ZNG1E: variants seen among roughly 807,000 people sequenced by gnomAD.
The protein encoded by ZNG1E is zinc-regulated GTPase metalloprotein activator 1E.
the ZNG1E span, chr9:65,691,063 T>G: frequency 3.1e-6 from 5 of 1,592,154 alleles, no homozygotes; most frequent in Non-Finnish European, 4.3e-6. Flanking sequence ...TCTTTCTTGT[T>G]TTTTTTTTGT....
the ZNG1E span, chr9:65,681,876 T>G: frequency 7.3e-7 from 1 of 1,363,882 alleles, no homozygotes; most frequent in African/African-American, 1.5e-5. Flanking sequence ...TTGGTCCTTT[T>G]ATTGAGTTTT....
At chr9:65,662,077 A>T in the ZNG1E span, among the ~76,000 whole-genome samples, 1 of 152,200 alleles carries the variant, frequency 6.6e-6, no homozygotes, top group Non-Finnish European at 1.5e-5. Flanking sequence ...CAAAGTTAAC[A>T]TTCTAGTAAA....
At chr9:65,684,562 A>ACACACG in the ZNG1E span, among the ~76,000 whole-genome samples, 1 of 142,220 alleles carries the variant, frequency 7.0e-6, no homozygotes, top group Admixed American at 7.1e-5. Context: ...ACACACACAC[A>ACACACG]CACACACATT....
the ZNG1E span, among the ~76,000 whole-genome samples, chr9:65,675,524 T>A: frequency 6.9e-6 from 1 of 145,362 alleles, no homozygotes. Context: ...GAATTAAAAC[T>A]TTTTTTTTTA....
the ZNG1E span, among the ~76,000 whole-genome samples, chr9:65,677,616 T>C: frequency 6.6e-6 from 1 of 152,264 alleles, no homozygotes; most frequent in Non-Finnish European, 1.5e-5. Context: ...TGCCCTTTAA[T>C]TTATTCGTTG....
At chr9:65,685,671 C>T in the ZNG1E span, among the ~76,000 whole-genome samples, 2 of 151,962 alleles carry the variant, frequency 1.3e-5, no homozygotes, top group Non-Finnish European at 2.9e-5. Flanking sequence ...CAGTTATTTC[C>T]TCCATTGAAG....
the ZNG1E span, among the ~76,000 whole-genome samples, chr9:65,714,855 G>A: frequency 4.6e-4 from 70 of 151,988 alleles, no homozygotes; most frequent in Middle Eastern, 3.4e-3. Flanking sequence ...CTTTTTGTGT[G>A]TCTGTGCCCT....
chr9:65,687,687 G>A, the ZNG1E span, among the ~76,000 whole-genome samples: 1 of 150,100 alleles, frequency 6.7e-6, no homozygotes, highest in Admixed American at 6.7e-5. Context: ...AAAATAACTT[G>A]TTTGGGAACA....
the ZNG1E span, among the ~76,000 whole-genome samples, chr9:65,668,328 T>C: frequency 3.1e-4 from 44 of 143,506 alleles, no homozygotes; most frequent in African/African-American, 9.9e-4. Flanking sequence ...TCTGGACCTA[T>C]GTCTATTAAA....
the ZNG1E span, among the ~76,000 whole-genome samples, chr9:65,667,375 G>A: frequency 0.037 from 5,537 of 149,680 alleles, 15 homozygotes; most frequent in African/African-American, 0.13. Flanking sequence ...TATATGGGTA[G>A]AATCATATTA....
the ZNG1E span, among the ~76,000 whole-genome samples, chr9:65,659,494 CAAAA>C: frequency 2.5e-4 from 28 of 113,854 alleles, no homozygotes; most frequent in East Asian, 3.5e-3. Context: ...GACTCCGTCT[CAAAA>C]AAAAAAAAAA....
At chr9:65,675,624 C>T in the ZNG1E span, among the ~76,000 whole-genome samples, 3 of 149,384 alleles carry the variant, frequency 2.0e-5, no homozygotes, top group South Asian at 2.1e-4. Context: ...GCAGGCTAGC[C>T]TCAGCTCTAC....
chr9:65,728,582 T>C, the ZNG1E span, among the ~76,000 whole-genome samples: 6 of 148,594 alleles, frequency 4.0e-5, no homozygotes, highest in African/African-American at 1.3e-4. Flanking sequence ...TCAAGGCTAC[T>C]ATGAACACCT....
chr9:65,704,720 G>A, the ZNG1E span: 1 of 106,814 alleles, frequency 9.4e-6, no homozygotes, highest in Non-Finnish European at 1.4e-5. Context: ...AGACCATCCT[G>A]GCTAACACTG....
the ZNG1E span, among the ~76,000 whole-genome samples, chr9:65,714,685 T>C: frequency 6.6e-6 from 1 of 151,990 alleles, no homozygotes; most frequent in Non-Finnish European, 1.5e-5. Context: ...TGCCTCCCAG[T>C]TACCTCCCAG....
the ZNG1E span, among the ~76,000 whole-genome samples, chr9:65,663,969 A>G: frequency 6.7e-6 from 1 of 149,348 alleles, no homozygotes; most frequent in Non-Finnish European, 1.5e-5. Context: ...ATACATATAT[A>G]TATATGTATA....
At chr9:65,664,329 C>G in the ZNG1E span, among the ~76,000 whole-genome samples, 1 of 149,092 alleles carries the variant, frequency 6.7e-6, no homozygotes, top group African/African-American at 2.5e-5. Context: ...GTGGGGGGAC[C>G]CGGTGGGAGG....
the ZNG1E span, among the ~76,000 whole-genome samples, chr9:65,686,411 C>T: frequency 2.0e-5 from 3 of 152,240 alleles, no homozygotes; most frequent in Non-Finnish European, 4.4e-5. Flanking sequence ...CCGAGATGGG[C>T]AGATCACGAG....
the ZNG1E span, among the ~76,000 whole-genome samples, chr9:65,665,790 C>T: frequency 4.8e-4 from 63 of 130,454 alleles, no homozygotes; most frequent in African/African-American, 1.7e-3. Flanking sequence ...CTTGCATCAG[C>T]ATGACCTGGA....
Sources: allele counts gnomAD v4.1 joint callset (sites outside exome capture counted in the v4.1 genomes callset), GRCh38; gene constraint gnomAD v4.1.1; transcripts MANE v1.5; gene names NCBI Gene and HGNC (gene_info 2026-07-23, HGNC 2026-07-21).